ZFPM2: variants seen among roughly 807,000 people sequenced by gnomAD.
ZFPM2 encodes zinc finger protein, FOG family member 2.
A neutral mutation model predicts 98.6 loss-of-function variants in ZFPM2; 20 were observed. The ratio of observed to expected loss-of-function variants is 0.20; its 90% CI spans 0.14 to 0.29. The LOEUF (loss-of-function observed/expected upper bound fraction) is 0.29. Ranked by LOEUF, ZFPM2 falls within the 10% of genes least tolerant of loss-of-function variation. ZFPM2 has a pLI of 1.00. For synonymous variants in ZFPM2, 518 were observed against 502.7 expected (o/e 1.03, Z -0.41); for missense variants, 1,310 against 1,388.6 (o/e 0.94, Z 0.90).
chr8:105,544,614 T>C (rs1030048772), intron 3 of ZFPM2, among the ~76,000 whole-genome samples: 1 of 152,210 alleles, frequency 6.6e-6, no homozygotes, highest in Admixed American at 6.5e-5. Flanking sequence ...AAAGGAGGTC[T>C]AATGGTTCAT....
At chr8:105,532,539 A>G (rs1814319137) in intron 3 of ZFPM2, among the ~76,000 whole-genome samples, 1 of 152,230 alleles carries the variant, frequency 6.6e-6, no homozygotes, top group South Asian at 2.1e-4. Context: ...TACATGTTTT[A>G]AAAAGCTAAT....
chr8:105,622,475 T>C (rs1378174952), intron 4 of ZFPM2, among the ~76,000 whole-genome samples: 2 of 152,166 alleles, frequency 1.3e-5, no homozygotes, highest in African/African-American at 4.8e-5. Flanking sequence ...ACAGAGATCT[T>C]GCCTTTCATA....
chr8:105,510,898 T>C (rs1047500946), intron 3 of ZFPM2, among the ~76,000 whole-genome samples: 1 of 152,220 alleles, frequency 6.6e-6, no homozygotes, highest in Non-Finnish European at 1.5e-5. Context: ...AGTCTTAAAA[T>C]ATGTTCATTG....
chr8:105,791,038 A>G (rs1336321672), intron 6 of ZFPM2, among the ~76,000 whole-genome samples: 1 of 152,224 alleles, frequency 6.6e-6, no homozygotes, highest in Non-Finnish European at 1.5e-5. Context: ...GTCTGCAAAC[A>G]GGGACAATTT....
At chr8:105,487,921 T>G (rs899014450) in intron 3 of ZFPM2, among the ~76,000 whole-genome samples, 1 of 102,088 alleles carries the variant, frequency 9.8e-6, no homozygotes, top group Non-Finnish European at 2.2e-5. Context: ...TATCTATCTA[T>G]CTATCTATCT....
intron 5 of ZFPM2, among the ~76,000 whole-genome samples, chr8:105,655,179 C>T (rs1022469767): frequency 5.4e-5 from 8 of 148,638 alleles, no homozygotes; most frequent in Admixed American, 1.3e-4. Flanking sequence ...TTTATTTCAT[C>T]GACTCACAAT....
chr8:105,747,224 G>A (rs1812369245), intron 5 of ZFPM2, among the ~76,000 whole-genome samples: 1 of 151,974 alleles, frequency 6.6e-6, no homozygotes, highest in Non-Finnish European at 1.5e-5. Flanking sequence ...TTCAGGCTCA[G>A]AATTTGATAA....
At chr8:105,434,783 A>G (rs577531504) in intron 2 of ZFPM2, among the ~76,000 whole-genome samples, 59 of 152,324 alleles carry the variant, frequency 3.9e-4, no homozygotes, top group Admixed American at 1.9e-3. Context: ...AAGAATTTCT[A>G]TAAGAGGTTA....
At chr8:105,662,816 C>T (rs979413107) in intron 5 of ZFPM2, 1 of 151,938 alleles carries the variant, frequency 6.6e-6, no homozygotes, top group African/African-American at 2.4e-5. Flanking sequence ...CCTGTGTAAT[C>T]TTTTGGGGCT....
intron 1 of ZFPM2, among the ~76,000 whole-genome samples, chr8:105,345,669 G>A (rs2941651): frequency 0.45 from 68,124 of 151,808 alleles, 17,221 homozygotes; most frequent in Middle Eastern, 0.6. Context: ...TTCAGACACA[G>A]CTGTTCAGAT....
intron 5 of ZFPM2, among the ~76,000 whole-genome samples, chr8:105,758,715 A>G (rs897617031): frequency 6.6e-6 from 1 of 152,108 alleles, no homozygotes; most frequent in Non-Finnish European, 1.5e-5. Flanking sequence ...TTCCACATGC[A>G]TTACTGAGTT....
chr8:105,319,947 G>A (rs1219835223), intron 1 of ZFPM2, among the ~76,000 whole-genome samples: 2 of 152,068 alleles, frequency 1.3e-5, no homozygotes, highest in Non-Finnish European at 2.9e-5. Flanking sequence ...ATAGGCCTGC[G>A]ACATATCTTC....
chr8:105,585,098 C>G (rs2130751030), intron 4 of ZFPM2, among the ~76,000 whole-genome samples: 1 of 152,240 alleles, frequency 6.6e-6, no homozygotes, highest in Non-Finnish European at 1.5e-5. Context: ...CACTGTAATC[C>G]TCATACATTA....
At chr8:105,672,378 CTG>C (rs1290154954) in intron 5 of ZFPM2, among the ~76,000 whole-genome samples, 1 of 151,768 alleles carries the variant, frequency 6.6e-6, no homozygotes, top group Non-Finnish European at 1.5e-5. Context: ...ACATTTTTCT[CTG>C]TTTTCAGTCT....
chr8:105,525,010 T>G (rs1032599966), intron 3 of ZFPM2, among the ~76,000 whole-genome samples: 2 of 152,158 alleles, frequency 1.3e-5, no homozygotes, highest in Admixed American at 1.3e-4. Flanking sequence ...ACTGTGACAT[T>G]TCTTCTTCCA....
At chr8:105,320,769 A>G (rs1812010735) in intron 1 of ZFPM2, among the ~76,000 whole-genome samples, 1 of 152,156 alleles carries the variant, frequency 6.6e-6, no homozygotes, top group South Asian at 2.1e-4. Flanking sequence ...CATATAATTG[A>G]AGATTAAAGC....
chr8:105,332,205 A>C (rs1812246661), intron 1 of ZFPM2, among the ~76,000 whole-genome samples: 1 of 151,690 alleles, frequency 6.6e-6, no homozygotes, highest in Admixed American at 6.6e-5. Context: ...GGTCTCTTTT[A>C]GCCTTCCCAT....
chr8:105,542,245 T>C (rs561402659), intron 3 of ZFPM2, among the ~76,000 whole-genome samples: 1 of 152,262 alleles, frequency 6.6e-6, no homozygotes, highest in African/African-American at 2.4e-5. Context: ...TAATTTTTAG[T>C]TCTTTGGTGG....
chr8:105,579,398 C>T (rs942773621), intron 4 of ZFPM2, among the ~76,000 whole-genome samples: 1 of 152,022 alleles, frequency 6.6e-6, no homozygotes, highest in Non-Finnish European at 1.5e-5. Context: ...ATCTTCACTC[C>T]CTCCCTTTTT....
Sources: gnomAD v4.1 joint callset for allele counts (sites outside exome capture counted in the v4.1 genomes callset) on GRCh38, gnomAD v4.1.1 for gene constraint, MANE v1.5 for transcripts, NCBI Gene and HGNC (gene_info 2026-07-23, HGNC 2026-07-21) for gene names.